The following TRPM5 variants were observed in gnomAD, a reference collection of about 807,000 sequenced individuals.
TRPM5 encodes transient receptor potential cation channel subfamily M member 5, also known as MLSN1 and TRP-related.
TRPM5 carries 121 observed loss-of-function variants against 124.9 expected under a neutral mutation model. The observed-to-expected ratio is 0.97, with a 90% CI of 0.84 to 1.13. TRPM5 has a LOEUF of 1.13. Ranked by LOEUF, TRPM5 falls within the 50% of genes most tolerant of loss-of-function variation. TRPM5 has a pLI of 0.00. For synonymous variants in TRPM5, 781 were observed against 700.5 expected (o/e 1.11, Z -1.81); for missense variants, 1,643 against 1,589.1 (o/e 1.03, Z -0.58).
exon 14 of TRPM5, chr11:2,413,171 C>A: frequency 6.4e-7 from 1 of 1,552,512 alleles, no homozygotes; most frequent in East Asian, 2.4e-5. Context: ...TTCTCCGTGT[C>A]CAGGCTGTCC....
chr11:2,440,986 G>T, the TRPM5 span, among the ~76,000 whole-genome samples: 1 of 152,204 alleles, frequency 6.6e-6, no homozygotes, highest in Non-Finnish European at 1.5e-5. This position sits in a 1 kb window ranked among gnomAD's most constrained non-coding sequence, Gnocchi z 5.2. Context: ...GGAGGAACAT[G>T]AGGTGAGCCT....
At chr11:2,433,938 CAG>C in the TRPM5 span, among the ~76,000 whole-genome samples, 1 of 151,250 alleles carries the variant, frequency 6.6e-6, no homozygotes, top group African/African-American at 2.4e-5. Context: ...TGTGTGGACA[CAG>C]TGTGTGAGTG....
chr11:2,404,928 C>A, exon 24 of TRPM5: 1 of 1,609,996 alleles, frequency 6.2e-7, no homozygotes, highest in South Asian at 1.1e-5. Flanking sequence ...ACGTGGCAGG[C>A]CAAGCAGCTC....
At chr11:2,416,158 T>G (rs1845671684) in intron 7 of TRPM5, 134 bp from the exon 13 acceptor site, 1 of 620,870 alleles carries the variant, frequency 1.6e-6, no homozygotes, top group African/African-American at 1.8e-5. Context: ...AGGGGGCACA[T>G]GCGCCACCTC....
intron 18 of TRPM5, among the ~76,000 whole-genome samples, chr11:2,409,140 G>A (rs1284488997): frequency 2.0e-5 from 3 of 152,108 alleles, no homozygotes; most frequent in Admixed American, 6.5e-5. Flanking sequence ...GCGTTGGCCC[G>A]TGTGTGAGTT....
At chr11:2,429,413 C>T in the TRPM5 span, among the ~76,000 whole-genome samples, 13 of 147,180 alleles carry the variant, frequency 8.8e-5, no homozygotes, top group East Asian at 2.0e-4. The surrounding 1 kb of genome is among the most constrained non-coding windows in gnomAD (Gnocchi z 8.4). Flanking sequence ...TTTATTGTGG[C>T]GGTGATGATG....
chr11:2,426,674 C>A (rs1305279004), upstream of TRPM5, among the ~76,000 whole-genome samples: 4 of 152,170 alleles, frequency 2.6e-5, no homozygotes, highest in Non-Finnish European at 5.9e-5. Flanking sequence ...CCTGGGGTCC[C>A]AGCCCCGCTC....
In TRPM5 at chr11:2,420,377, T is replaced by C. The variant is rs151046695; in HGVS notation, c.494A>G (p.Asp165Gly). The C allele has an allele frequency of 2.4e-3, 3,849 of 1,612,454 alleles. 113 individuals are homozygous for C. The South Asian group carries it at 0.04, about 17-fold the overall frequency. The change falls in exon 4 of 24, where the codon GAT (aspartate) becomes GGT (glycine). Residue 165 changes from aspartate (D) to glycine (G), a missense_variant. Asp to Gly is a moderately conservative substitution (Grantham distance 94). Transcript: ENST00000155858. Reference sequence around the variant, plus strand: ...GAGGGGGCCCTGGCTGCCGCCGTCATCCTCAGGGTAGTGGACAGGAAAATC... The same window carrying C: ...GAGGGGGCCCTGGCTGCCGCCGTCACCCTCAGGGTAGTGGACAGGAAAATC...
intron 13 of TRPM5, 67 bp from the exon 19 acceptor site, chr11:2,413,293 G>A (rs189104414): frequency 6.2e-6 from 9 of 1,444,030 alleles, no homozygotes; most frequent in African/African-American, 4.3e-5. Flanking sequence ...GGCTCCAGGC[G>A]CTTGGCCATC....
chr11:2,414,901 G>A lies in TRPM5; in HGVS notation c.1620+6C>T, dbSNP rs1850536912. ...CCCCCGCGCTGGGCCCGCGGCCTGG[G>A]CTCACCATGGCCCAGAAGTAGGTGG... On this transcript the variant is annotated splice_donor_region_variant and intron_variant, in intron 10 of 23. Transcript: ENST00000155858. The A allele has an allele frequency of 1.9e-6, 3 of 1,602,682 alleles. No homozygotes were observed. Among genetic ancestry groups the A allele is most frequent in the South Asian group, 2.2e-5 (2 of 89,714 alleles).
the TRPM5 span, among the ~76,000 whole-genome samples, chr11:2,442,057 T>C: frequency 1.1e-4 from 16 of 152,162 alleles, no homozygotes; most frequent in African/African-American, 3.9e-4. This position sits in a 1 kb window ranked among gnomAD's most constrained non-coding sequence, Gnocchi z 5.9. Context: ...TTCAGAATAA[T>C]GAGCAAAGCA....
the TRPM5 span, among the ~76,000 whole-genome samples, chr11:2,437,236 T>C: frequency 3.9e-5 from 6 of 152,214 alleles, no homozygotes; most frequent in Non-Finnish European, 7.3e-5. The surrounding 1 kb of genome is among the most constrained non-coding windows in gnomAD (Gnocchi z 5.6). Flanking sequence ...CTTCCCTGGC[T>C]GGTTCCCAGC....
In TRPM5 at chr11:2,415,054, G is replaced by C; in HGVS notation, c.1480-7C>G. 2 of 1,598,460 alleles carry C rather than the reference G, an allele frequency of 1.3e-6. No homozygotes were observed. ...GCTTGGCCGGGCCCTTCTCCTGGAG[G>C]ACACGGGCGTCGGCCTCCTGCTGCG... is the stretch of plus-strand genomic sequence containing the variant. On this transcript the variant is annotated splice_region_variant and splice_polypyrimidine_tract_variant and intron_variant, in intron 9 of 23. Transcript: ENST00000155858.
the TRPM5 span, among the ~76,000 whole-genome samples, chr11:2,440,736 G>C: frequency 6.6e-6 from 1 of 152,208 alleles, no homozygotes; most frequent in Non-Finnish European, 1.5e-5. This position sits in a 1 kb window ranked among gnomAD's most constrained non-coding sequence, Gnocchi z 5.2. Context: ...GGTGCTCTGC[G>C]AGGATCTGGG....
chr11:2,434,238 G>A, the TRPM5 span, among the ~76,000 whole-genome samples: 2 of 151,952 alleles, frequency 1.3e-5, no homozygotes, highest in Admixed American at 1.3e-4. Context: ...GTGAGTGCAT[G>A]TGTGTGCGTG....
At chr11:2,430,745 G>GA in the TRPM5 span, among the ~76,000 whole-genome samples, 57 of 135,046 alleles carry the variant, frequency 4.2e-4, 2 homozygotes, top group African/African-American at 1.6e-3. Flanking sequence ...TGGTGATGGT[G>GA]TTGGTGGTGG....
intron 5 of TRPM5, 25 bp from the exon 11 acceptor site, chr11:2,418,383 C>A (rs754395921): frequency 6.5e-7 from 1 of 1,537,856 alleles, no homozygotes; most frequent in Non-Finnish European, 8.8e-7. Flanking sequence ...GAGGGGAGAG[C>A]GGACCCCAGA....
At chr11:2,410,379 G>T (rs1332010015) in intron 18 of TRPM5, among the ~76,000 whole-genome samples, 1 of 152,200 alleles carries the variant, frequency 6.6e-6, no homozygotes. Context: ...AGCACGTTGT[G>T]CCATGACTGC....
At chr11:2,407,551 C>T (rs935267451) in intron 19 of TRPM5, among the ~76,000 whole-genome samples, 11 of 152,360 alleles carry the variant, frequency 7.2e-5, no homozygotes, top group Non-Finnish European at 1.0e-4. Flanking sequence ...GCCCTGCTTC[C>T]TGGGACTGGG....
Sources: gnomAD v4.1 joint callset for allele counts (sites outside exome capture counted in the v4.1 genomes callset) on GRCh38, gnomAD v4.1.1 for gene constraint, Gnocchi (gnomAD v3.1) non-coding constraint, MANE v1.5 for transcripts, NCBI Gene and HGNC (gene_info 2026-07-23, HGNC 2026-07-21) for gene names.